Variants in TMEM232 observed in about 807,000 individuals in gnomAD.
TMEM232 encodes transmembrane protein 232.
In TMEM232, 80 loss-of-function variants were observed where a neutral mutation model predicts 78.8. The ratio of observed to expected loss-of-function variants is 1.01; its 90% CI spans 0.85 to 1.22. The LOEUF is 1.22. Among genes scored for constraint, TMEM232 ranks in the 50% most tolerant of loss-of-function variants. The probability of loss-of-function intolerance (pLI) is 0.00; values close to 1 mark genes in which losing one functional copy is unlikely to be tolerated. For synonymous variants in TMEM232, 297 were observed against 254.3 expected, an observed-to-expected ratio of 1.17 and a Z score of -1.60; for missense variants, 881 against 742.2, an observed-to-expected ratio of 1.19 and a Z score of -2.17.
chr5:110,630,627 G>A (rs2149967259), intron 5 of TMEM232, among the ~76,000 whole-genome samples: 1 of 152,228 alleles, frequency 6.6e-6, no homozygotes, highest in South Asian at 2.1e-4. Context: ...TTTCCACCAT[G>A]ATTATAAGCT....
In TMEM232 at chr5:110,550,073, A is replaced by G. The variant is rs1774268210; in HGVS notation, c.1455+18374T>C. On this transcript the variant is annotated intron_variant, in intron 11 of 13. Transcript: ENST00000455884. The stretch of plus-strand genomic sequence containing the variant: ...TACAAATGCAAAATCTTAAAGTATT[A>G]TTAAAGCAAATAGAGCAATATTTAC... Among the ~76,000 whole-genome samples, 5 of 152,232 alleles carry G rather than the reference A, an allele frequency of 3.3e-5. No homozygotes were observed. In the South Asian group the frequency reaches 1.0e-3, roughly 31 times the overall value.
intron 12 of TMEM232, among the ~76,000 whole-genome samples, chr5:110,438,245 A>G (rs1231248644): frequency 6.6e-6 from 1 of 151,472 alleles, no homozygotes; most frequent in Non-Finnish European, 1.5e-5. Context: ...TTTTTCTCCT[A>G]TACCAACTGG....
intron 13 of TMEM232, among the ~76,000 whole-genome samples, chr5:110,421,773 G>T (rs35279930): frequency 0.089 from 13,528 of 152,052 alleles, 772 homozygotes; most frequent in South Asian, 0.17. Flanking sequence ...CAGCTTTGAC[G>T]AATGCATTAA....
chr5:110,654,554 TGTA>T (rs1456246329), intron 2 of TMEM232, among the ~76,000 whole-genome samples: 2 of 152,226 alleles, frequency 1.3e-5, no homozygotes, highest in Admixed American at 1.3e-4. Context: ...ACTGTAGCCT[TGTA>T]GTATAGTTTG....
At chr5:110,549,277 A>G (rs889302814) in intron 11 of TMEM232, among the ~76,000 whole-genome samples, 1 of 152,084 alleles carries the variant, frequency 6.6e-6, no homozygotes, top group East Asian at 1.9e-4. Flanking sequence ...CACATATGAA[A>G]AAAAGAGAGA....
intron 2 of TMEM232, among the ~76,000 whole-genome samples, chr5:110,642,748 T>C (rs1786919849): frequency 6.6e-6 from 1 of 152,100 alleles, no homozygotes; most frequent in African/African-American, 2.4e-5. Context: ...GCTAAACTTT[T>C]ACTCCTTCTG....
At chr5:110,615,469 C>T (rs1036430263) in intron 8 of TMEM232, among the ~76,000 whole-genome samples, 2 of 151,746 alleles carry the variant, frequency 1.3e-5, no homozygotes, top group Non-Finnish European at 2.9e-5. Flanking sequence ...GATCAGTTTC[C>T]TCAGAAATAC....
chr5:110,710,524 T>C (rs1369656883), intron 1 of TMEM232, among the ~76,000 whole-genome samples: 3 of 152,122 alleles, frequency 2.0e-5, no homozygotes, highest in Admixed American at 1.3e-4. Context: ...ATGTCAATGA[T>C]ACATTAGAAA....
chr5:110,522,914 G>C (rs1362429585), intron 12 of TMEM232, among the ~76,000 whole-genome samples: 3 of 152,084 alleles, frequency 2.0e-5, no homozygotes, highest in African/African-American at 7.2e-5. Context: ...TCAGGATAAA[G>C]CTGGTCACTT....
intron 2 of TMEM232, among the ~76,000 whole-genome samples, chr5:110,654,597 G>A (rs1259074019): frequency 1.3e-5 from 2 of 152,150 alleles, no homozygotes; most frequent in African/African-American, 4.8e-5. Context: ...CTCCAGCTTT[G>A]TTCTTTTGGC....
chr5:110,585,187 A>G (rs1364460866), intron 10 of TMEM232, among the ~76,000 whole-genome samples: 1 of 152,276 alleles, frequency 6.6e-6, no homozygotes, highest in South Asian at 2.1e-4. Flanking sequence ...TTTTTAGCCC[A>G]TCCCAACAAA....
chr5:110,686,348 T>G (rs1040043876), intron 1 of TMEM232, among the ~76,000 whole-genome samples: 1 of 151,902 alleles, frequency 6.6e-6, no homozygotes, highest in South Asian at 2.1e-4. Flanking sequence ...TGGAGAGCCA[T>G]GTATAGAGGA....
chr5:110,572,397 GA>G (rs1171772703), intron 10 of TMEM232, among the ~76,000 whole-genome samples: 1 of 151,872 alleles, frequency 6.6e-6, no homozygotes, highest in Non-Finnish European at 1.5e-5. Flanking sequence ...GAGCCTCTGA[GA>G]AAAAATAAGT....
chr5:110,614,739 G>A (rs1353442561), intron 8 of TMEM232, among the ~76,000 whole-genome samples: 3 of 151,934 alleles, frequency 2.0e-5, no homozygotes, highest in Non-Finnish European at 4.4e-5. Context: ...TCCAGTTAGA[G>A]TTTTCCAAGG....
In TMEM232 at chr5:110,661,167, G is replaced by T. The variant is rs143653784; in HGVS notation, c.125+6061C>A. Among the ~76,000 whole-genome samples, 727 of 152,200 alleles carry T rather than the reference G, an allele frequency of 4.8e-3. 7 individuals are homozygous for T. The highest frequency in any genetic ancestry group is 5.5e-3 in the Non-Finnish European group (377 of 67,996). On this transcript the variant is annotated intron_variant, in intron 2 of 13. Transcript: ENST00000455884. ...AATGTTGTTACAAGTGACAGAATTT[G>T]ATTCTTTTATGGTTTAATAATATTC... is the stretch of plus-strand genomic sequence containing the variant.
At chr5:110,582,522 G>A (rs953708099) in intron 10 of TMEM232, among the ~76,000 whole-genome samples, 5 of 151,888 alleles carry the variant, frequency 3.3e-5, no homozygotes, top group African/African-American at 9.7e-5. Flanking sequence ...GGAAACGAGG[G>A]GAAGAGGCAG....
chr5:110,441,223 C>T (rs982196137), intron 12 of TMEM232, among the ~76,000 whole-genome samples: 10 of 152,212 alleles, frequency 6.6e-5, no homozygotes, highest in African/African-American at 2.4e-4. Flanking sequence ...TAGCTCTGGC[C>T]TCTGCCCACT....
intron 2 of TMEM232, among the ~76,000 whole-genome samples, chr5:110,733,236 C>T (rs536929892): frequency 1.3e-4 from 20 of 152,216 alleles, no homozygotes; most frequent in African/African-American, 3.6e-4. Context: ...TCTTACATAC[C>T]GTTGGGTGGG....
chr5:110,671,293 G>A (rs1008635346), intron 1 of TMEM232, among the ~76,000 whole-genome samples: 34 of 152,280 alleles, frequency 2.2e-4, no homozygotes, highest in Middle Eastern at 6.8e-3. Flanking sequence ...GCTTTTACCC[G>A]TTGGTGGGAG....
Sources: allele counts gnomAD v4.1 joint callset (sites outside exome capture counted in the v4.1 genomes callset), GRCh38; gene constraint gnomAD v4.1.1; transcripts MANE v1.5; gene names NCBI Gene and HGNC (gene_info 2026-07-23, HGNC 2026-07-21).